Variants in CSMD1 observed in about 807,000 individuals in gnomAD.
The protein encoded by CSMD1 is CUB and sushi domain-containing protein 1.
In CSMD1, 213 loss-of-function variants were observed where a neutral mutation model predicts 417.5. The ratio of observed to expected loss-of-function variants is 0.51; its 90% CI spans 0.46 to 0.57. The LOEUF is 0.57. Ranked by LOEUF, CSMD1 falls within the 20% of genes least tolerant of loss-of-function variation. CSMD1 has a pLI of 0.00. For missense variants in CSMD1, 6,923 were observed against 4,529.7 expected (o/e 1.53, Z -15.17); for synonymous variants, 2,862 against 1,736.8 (o/e 1.65, Z -16.11).
intron 3 of CSMD1, among the ~76,000 whole-genome samples, chr8:4,088,958 G>A (rs936110195): frequency 6.6e-6 from 1 of 152,104 alleles, no homozygotes; most frequent in Non-Finnish European, 1.5e-5. Context: ...ATTCCACGAA[G>A]GGTCACACAC....
intron 3 of CSMD1, among the ~76,000 whole-genome samples, chr8:4,327,291 T>C (rs1164079210): frequency 2.0e-5 from 3 of 152,238 alleles, no homozygotes; most frequent in Non-Finnish European, 4.4e-5. Flanking sequence ...GTATCTCTTT[T>C]ACATTTTTCT....
intron 7 of CSMD1, among the ~76,000 whole-genome samples, chr8:3,685,582 T>C (rs974878677): frequency 6.6e-6 from 1 of 152,184 alleles, no homozygotes; most frequent in Non-Finnish European, 1.5e-5. Context: ...GAGTGAAGCA[T>C]CTGGCATCTC....
intron 1 of CSMD1, among the ~76,000 whole-genome samples, chr8:4,880,985 A>G (rs1803359849): frequency 6.6e-6 from 1 of 152,096 alleles, no homozygotes; most frequent in Non-Finnish European, 1.5e-5. Flanking sequence ...TTCTGAAACC[A>G]GTAATGAGGC....
At chr8:4,924,746 C>T (rs529852581) in intron 1 of CSMD1, among the ~76,000 whole-genome samples, 1 of 100,908 alleles carries the variant, frequency 9.9e-6, no homozygotes, top group Admixed American at 9.5e-5. Context: ...AAAAAAAAAA[C>T]CTACAAAAAA....
chr8:3,941,476 C>G (rs187174614), intron 5 of CSMD1, among the ~76,000 whole-genome samples: 266 of 152,214 alleles, frequency 1.7e-3, no homozygotes, highest in Non-Finnish European at 3.0e-3. Flanking sequence ...CTATTAAATG[C>G]ATCCTCAAGG....
intron 3 of CSMD1, among the ~76,000 whole-genome samples, chr8:4,271,532 A>T (rs1804594681): frequency 6.6e-6 from 1 of 152,088 alleles, no homozygotes; most frequent in African/African-American, 2.4e-5. Flanking sequence ...GAACACCACC[A>T]ACAAAATACC....
intron 2 of CSMD1, among the ~76,000 whole-genome samples, chr8:4,545,166 T>C (rs1585230478): frequency 1.3e-5 from 2 of 152,168 alleles, no homozygotes; most frequent in Admixed American, 6.5e-5. Flanking sequence ...TTAAAAATCA[T>C]ATTTGTGAGA....
intron 1 of CSMD1, among the ~76,000 whole-genome samples, chr8:4,742,423 C>A (rs939752074): frequency 6.6e-6 from 1 of 152,006 alleles, no homozygotes; most frequent in Non-Finnish European, 1.5e-5. Context: ...CTACTCTGGT[C>A]ATTTTTCTTA....
At chr8:4,311,039 A>ACAC (rs2128878694) in intron 3 of CSMD1, among the ~76,000 whole-genome samples, 1 of 152,334 alleles carries the variant, frequency 6.6e-6, no homozygotes, top group East Asian at 1.9e-4. Context: ...GAACACTTAT[A>ACAC]CACCACTGGT....
At chr8:4,863,566 T>C (rs1275475926) in intron 1 of CSMD1, among the ~76,000 whole-genome samples, 1 of 152,070 alleles carries the variant, frequency 6.6e-6, no homozygotes, top group Non-Finnish European at 1.5e-5. Context: ...TCCTGCATTT[T>C]TTTAGCAACA....
chr8:3,512,171 C>G (rs955438980), intron 10 of CSMD1, among the ~76,000 whole-genome samples: 8 of 152,240 alleles, frequency 5.3e-5, no homozygotes, highest in Admixed American at 2.6e-4. Context: ...GGCAGAATTT[C>G]TTACTATCCT....
chr8:3,776,498 T>A (rs909538686), intron 5 of CSMD1, among the ~76,000 whole-genome samples: 2 of 152,154 alleles, frequency 1.3e-5, no homozygotes, highest in African/African-American at 2.4e-5. Flanking sequence ...TTTCCTGCTC[T>A]CTCTTAAACA....
At chr8:4,050,824 C>G (rs1319729505) in intron 3 of CSMD1, among the ~76,000 whole-genome samples, 1 of 152,082 alleles carries the variant, frequency 6.6e-6, no homozygotes, top group Non-Finnish European at 1.5e-5. Context: ...ATCTCAAGTG[C>G]CAATTTTTAA....
chr8:3,661,720 C>T (rs1001035748), intron 7 of CSMD1, among the ~76,000 whole-genome samples: 5 of 152,150 alleles, frequency 3.3e-5, no homozygotes, highest in African/African-American at 7.2e-5. Context: ...TAGTCTCGAA[C>T]TCCTGACCTC....
At chr8:3,902,364 A>G (rs1393421158) in intron 5 of CSMD1, among the ~76,000 whole-genome samples, 1 of 152,186 alleles carries the variant, frequency 6.6e-6, no homozygotes, top group Non-Finnish European at 1.5e-5. Context: ...CTGTTTACAA[A>G]AACATGTGAT....
chr8:4,186,834 G>GAAAAA (rs11406651), intron 3 of CSMD1, among the ~76,000 whole-genome samples: 60 of 145,080 alleles, frequency 4.1e-4, no homozygotes, highest in African/African-American at 1.5e-3. Context: ...TAAAAATACA[G>GAAAAA]AAAAAAAAAA....
intron 3 of CSMD1, among the ~76,000 whole-genome samples, chr8:4,225,583 C>G (rs1021580855): frequency 1.3e-5 from 2 of 150,524 alleles, no homozygotes; most frequent in South Asian, 2.1e-4. Flanking sequence ...AAATACATCA[C>G]ATTTTTATTT....
chr8:3,029,124 C>G (rs892979825), intron 51 of CSMD1, among the ~76,000 whole-genome samples, 195 bp downstream of exon 51: 1 of 151,930 alleles, frequency 6.6e-6, no homozygotes, highest in Admixed American at 6.6e-5. Flanking sequence ...AATGCCTAAT[C>G]GAGCAGCAAT....
chr8:4,732,371 GTGTGTGTGTGTA>G (rs1023785677), intron 1 of CSMD1, among the ~76,000 whole-genome samples: 20 of 149,344 alleles, frequency 1.3e-4, no homozygotes, highest in Admixed American at 2.7e-4. Context: ...GTGTGTGTGT[GTGTGTGTGTGTA>G]GTGTTTTTCC....
Sources: gnomAD v4.1 joint callset for allele counts (sites outside exome capture counted in the v4.1 genomes callset) on GRCh38, gnomAD v4.1.1 for gene constraint, MANE v1.5 for transcripts, NCBI Gene and HGNC (gene_info 2026-07-23, HGNC 2026-07-21) for gene names.